Variants in FAT2 observed in about 807,000 individuals in gnomAD.
FAT2 encodes the protein protocadherin Fat 2.
In FAT2, 150 loss-of-function variants were observed where a neutral mutation model predicts 295.3. The ratio of observed to expected loss-of-function variants is 0.51; its 90% CI spans 0.44 to 0.58. FAT2 has a LOEUF of 0.58. Among genes scored for constraint, FAT2 ranks in the 20% least tolerant of loss-of-function variants. The pLI is 0.00. For synonymous variants in FAT2, 2,026 were observed against 2,150.3 expected (o/e 0.94, Z 1.60); for missense variants, 4,868 against 5,442.7 (o/e 0.89, Z 3.32).
Position 151,549,470 on chromosome 5 carries a change from G to A in FAT2, c.4614C>T (p.Phe1538=), listed in dbSNP as rs145042858. ...RDQEIPIKRN[F]VWVTIHVEDG... ...CCTCCACATGAATGGTCACCCACAC[G>A]AAGTTCCTCTTGATAGGTATTTCCT... Residue 1538 remains phenylalanine (F), a synonymous_variant, in exon 9 of 24, where the codon TTC becomes TTT. Transcript: ENST00000261800. The A allele has an allele frequency of 2.7e-4, 435 of 1,614,178 alleles. 5 individuals are homozygous for A. The South Asian group carries it at 4.0e-3, about 15-fold the overall frequency.
chr5:151,514,664 G>A (rs575735354), intron 20 of FAT2, among the ~76,000 whole-genome samples: 49 of 152,082 alleles, frequency 3.2e-4, no homozygotes, highest in African/African-American at 1.0e-3. Flanking sequence ...TTTTCACTAC[G>A]TCTCTCTCCT....
intron 12 of FAT2, among the ~76,000 whole-genome samples, chr5:151,537,195 G>A (rs988442409): frequency 6.6e-6 from 1 of 150,680 alleles, no homozygotes; most frequent in Admixed American, 6.7e-5. Context: ...AAGAGAGAGA[G>A]AGAGAAAGAA....
chr5:151,578,451 C>T (rs533603153), intron 1 of FAT2, among the ~76,000 whole-genome samples: 3 of 152,092 alleles, frequency 2.0e-5, no homozygotes, highest in Middle Eastern at 6.8e-3. Context: ...TGACTATTAT[C>T]AAAAAGACAA....
At chr5:151,524,098 C>G (rs530177196) in intron 18 of FAT2, among the ~76,000 whole-genome samples, 2 of 152,248 alleles carry the variant, frequency 1.3e-5, no homozygotes, top group East Asian at 3.9e-4. Flanking sequence ...ACTGGTCTCC[C>G]TCACCCACTC....
chr5:151,538,229 G>A (rs937435927), intron 11 of FAT2, among the ~76,000 whole-genome samples: 1 of 152,192 alleles, frequency 6.6e-6, no homozygotes, highest in African/African-American at 2.4e-5. Context: ...AGAGAGAATG[G>A]AGAAGTTCTG....
At position 151,518,374 on chromosome 5, in the gene FAT2, A is replaced by ATTATTATTATTATTATT. The variant is rs60093109; in HGVS notation, c.11318-610_11318-609insAATAATAATAATAATAA. Among the ~76,000 whole-genome samples the ATTATTATTATTATTATT allele has an allele frequency of 9.0e-4, 132 of 147,404 alleles. 1 individual carries two copies. The East Asian group carries it at 0.011, about 12-fold the overall frequency. On this transcript the variant is annotated intron_variant, in intron 19 of 23. Coordinates refer to ENST00000261800, the MANE Select transcript of FAT2 (RefSeq NM_001447.3). The stretch of plus-strand genomic sequence containing the variant: ...TAATAATAATAATAATAATAATAAT[A>ATTATTATTATTATTATT]ATTTTTAAAAGAAAGTAAAAATCAG...
At position 151,544,434 on chromosome 5, in the gene FAT2, C is replaced by CAA; in HGVS notation, c.6691_6692dup (p.Leu2231PhefsTer32). On this transcript the variant is annotated frameshift_variant, in exon 10 of 24. Coordinates refer to ENST00000261800, the MANE Select transcript of FAT2 (RefSeq NM_001447.3). LOFTEE classifies it high-confidence loss of function. ...CATGTTTGGTCTTGGACTCATAGTC[C>CAA]AAAGGCCCTGTTACTGTTAGGACAC... The CAA allele has an allele frequency of 6.2e-7, 1 of 1,614,116 alleles. No homozygotes were observed. The highest frequency in any genetic ancestry group is 8.5e-7 in the Non-Finnish European group (1 of 1,180,026).
chr5:151,565,647 A>AGGGGCCCCCCCC, intron 2 of FAT2, 26 bp downstream of exon 2: 1 of 1,461,028 alleles, frequency 6.8e-7, no homozygotes. Context: ...TGGCCCTGGC[A>AGGGGCCCCCCCC]CCCCACCCTA....
rs1753453475 is a variant in FAT2 at position 151,521,532 on chromosome 5, C to T, written c.11061G>A (p.Glu3687=). ...ACTCGTAGAAGGTTCCAGAATGCCC[C>T]TCAAAGACCAGGAGCACATCCACAC... The part of the protein sequence containing the change: ...VAGVDVLLVF[E]GHSGTFYEFQ... Residue 3687 remains glutamate (E), a synonymous_variant, in exon 19 of 24, where the codon GAG becomes GAA. Transcript: ENST00000261800. 1.2e-6 allele frequency: 2 copies of T among 1,614,236 alleles called. No individual in the cohort carries two copies. The highest frequency in any genetic ancestry group is 1.7e-6 in the Non-Finnish European group (2 of 1,180,044).
intron 12 of FAT2, 139 bp downstream of exon 12, chr5:151,537,654 C>G: frequency 1.3e-6 from 1 of 790,444 alleles, no homozygotes; most frequent in Non-Finnish European, 2.0e-6. Context: ...CAGTACAATG[C>G]TTGGCACATA....
rs190882193 is a variant in FAT2, at chr5:151,563,516, G to A, written c.3383C>T (p.Thr1128Met). The change falls in exon 3 of 24, where the codon ACG becomes ATG. Residue 1128 changes from threonine to methionine, a missense_variant. This residue lies in a region of FAT2 where 3,297 missense variants were observed against 3,669.4 expected (regional missense o/e 0.90). Transcript: ENST00000261800. ...SSVTEVYIEV[T>M]DANDNPPQMS... ...CTGGGGTGGGTTGTCATTGGCATCC[G>A]TAACCTCGATGTAGACTTCAGTTAC... 6.6e-5 allele frequency: 106 copies of A among 1,614,120 alleles called. No individual in the cohort carries two copies. In the East Asian group the frequency reaches 1.8e-3, roughly 28 times the overall value.
Position 151,542,962 on chromosome 5 carries a change from A to G in FAT2, c.8165T>C (p.Val2722Ala), listed in dbSNP as rs371216302. Residue 2722 changes from valine (V) to alanine (A), a missense_variant, in exon 10 of 24, where the codon GTC (valine) becomes GCC (alanine). Around this residue, in one of 5 missense-constraint regions of FAT2, gnomAD observed 3,297 missense variants for 3,669.4 expected, o/e 0.90. Transcript: ENST00000261800. ...AGTGCCCCGCACTAGACTGTAGATGACTGGATCTTGAGCTGCCACTGCTTT... is the reference window on the plus strand; with the variant it reads ...AGTGCCCCGCACTAGACTGTAGATGGCTGGATCTTGAGCTGCCACTGCTTT... ...IVKAVAAQDP[V>A]IYSLVRGTTP... The G allele has an allele frequency of 3.1e-6, 5 of 1,614,104 alleles. No homozygotes were observed. In the African/African-American group the frequency reaches 6.7e-5, roughly 22 times the overall value.
chr5:151,520,976 G>C (rs891714316), intron 19 of FAT2, among the ~76,000 whole-genome samples: 2 of 152,238 alleles, frequency 1.3e-5, no homozygotes, highest in Non-Finnish European at 2.9e-5. Flanking sequence ...GTAAGGGGTA[G>C]AGCTGGGATT....
Position 151,565,783 on chromosome 5 carries a change from T to A in FAT2, c.3149A>T (p.Gln1050Leu). The A allele has an allele frequency of 6.2e-7, 1 of 1,613,994 alleles. No individual in the cohort carries two copies. The highest frequency in any genetic ancestry group is 2.2e-5 in the East Asian group (1 of 44,860). The change falls in exon 2 of 24, where the codon CAG (glutamine) becomes CTG (leucine). Residue 1050 changes from glutamine to leucine, a missense_variant. Gln to Leu is a moderately radical substitution (Grantham distance 113, BLOSUM62 -2). This residue lies in a region of FAT2 where 3,297 missense variants were observed against 3,669.4 expected (regional missense o/e 0.90). Coordinates refer to ENST00000261800, the MANE Select transcript of FAT2 (RefSeq NM_001447.3). ...GTCCTGGGCAGCCACTACAATCACC[T>A]GAGTTCCCGAGGGGCTGTTCTCCTG... The part of the protein sequence containing the change: ...QVQENSPSGT[Q>L]VIVVAAQDDD...
intron 20 of FAT2, among the ~76,000 whole-genome samples, chr5:151,513,095 G>A (rs562234883): frequency 2.4e-4 from 37 of 152,300 alleles, no homozygotes; most frequent in African/African-American, 8.9e-4. Context: ...ATTTGCCTTT[G>A]TTTTCTCACA....
rs753192200 is a variant in FAT2, at chr5:151,549,476, C to T, written c.4608G>A (p.Arg1536=). Residue 1536 remains arginine, a synonymous_variant, in exon 9 of 24, where the codon AGG becomes AGA. Coordinates refer to ENST00000261800, the MANE Select transcript of FAT2 (RefSeq NM_001447.3). ...CATGAATGGTCACCCACACGAAGTT[C>T]CTCTTGATAGGTATTTCCTGGTCTC... ...MVRDQEIPIK[R]NFVWVTIHVE... The T allele has an allele frequency of 1.2e-6, 2 of 1,614,114 alleles. No individual in the cohort carries two copies. The highest frequency in any genetic ancestry group is 1.1e-5 in the South Asian group (1 of 91,070).
At chr5:151,578,897 G>A (rs1470257945) in intron 1 of FAT2, among the ~76,000 whole-genome samples, 1 of 152,186 alleles carries the variant, frequency 6.6e-6, no homozygotes, top group African/African-American at 2.4e-5. Context: ...TACTTTTTTA[G>A]AATCCACATA....
rs761642682 is a variant in FAT2, at chr5:151,521,567, C to T, written c.11026G>A (p.Ala3676Thr). ...IHLASLQPAE[A>T]VAGVDVLLVF... Reference sequence around the variant, plus strand: ...AGGAGCACATCCACACCAGCCACGGCCTCTGCAGGCTGGAGGCTGGCCAAG... The same window carrying T: ...AGGAGCACATCCACACCAGCCACGGTCTCTGCAGGCTGGAGGCTGGCCAAG... Residue 3676 changes from alanine to threonine, a missense_variant, in exon 19 of 24, where the codon GCC becomes ACC. Ala to Thr is a moderately conservative substitution (Grantham distance 58). This residue lies in a region of FAT2 where 1,046 missense variants were observed against 1,210.1 expected (regional missense o/e 0.86). Coordinates refer to ENST00000261800, the MANE Select transcript of FAT2 (RefSeq NM_001447.3). 6.2e-7 allele frequency: 1 copy of T among 1,614,072 alleles called. No homozygotes were observed.
intron 1 of FAT2, among the ~76,000 whole-genome samples, chr5:151,575,190 T>C (rs1417216595): frequency 2.6e-5 from 4 of 152,260 alleles, no homozygotes; most frequent in African/African-American, 4.8e-5. Context: ...ATCTAGGACA[T>C]GGATGAAAGA....
Sources: allele counts gnomAD v4.1 joint callset (sites outside exome capture counted in the v4.1 genomes callset), GRCh38; gene constraint gnomAD v4.1.1; regional missense constraint gnomAD v4.1.1; transcripts MANE v1.5; gene names NCBI Gene and HGNC (gene_info 2026-07-23, HGNC 2026-07-21).